The following PRKCA variants were observed in gnomAD, a reference collection of about 807,000 sequenced individuals.
PRKCA encodes the protein protein kinase C alpha.
PRKCA carries 27 observed loss-of-function variants against 87.0 expected under a neutral mutation model. The observed-to-expected ratio is 0.31, with a 90% CI of 0.23 to 0.43. The LOEUF (loss-of-function observed/expected upper bound fraction) is 0.43. Among genes scored for constraint, PRKCA ranks in the 20% least tolerant of loss-of-function variants. PRKCA has a pLI of 1.00. For missense variants in PRKCA, 518 were observed against 852.3 expected, an observed-to-expected ratio of 0.61 and a Z score of 4.88; for synonymous variants, 329 against 311.1, an observed-to-expected ratio of 1.06 and a Z score of -0.61.
At chr17:66,365,839 G>A (rs1007620522) in intron 2 of PRKCA, among the ~76,000 whole-genome samples, 5 of 152,118 alleles carry the variant, frequency 3.3e-5, no homozygotes, top group Admixed American at 6.5e-5. Flanking sequence ...ACCAATTAAC[G>A]TTATCTGAGC....
chr17:66,548,802 C>T (rs1040355987), intron 3 of PRKCA, among the ~76,000 whole-genome samples: 2 of 107,324 alleles, frequency 1.9e-5, no homozygotes, highest in East Asian at 2.5e-4. Context: ...GAATACGTTT[C>T]GGCAAGTTTT....
intron 8 of PRKCA, 26 bp from the exon 9 acceptor site, chr17:66,732,662 G>A: frequency 6.2e-7 from 1 of 1,613,770 alleles, no homozygotes; most frequent in South Asian, 1.1e-5. Context: ...TGACCCACGT[G>A]TTTCCCATTT....
chr17:66,749,897 G>A (rs958868889), intron 13 of PRKCA, among the ~76,000 whole-genome samples: 5 of 152,118 alleles, frequency 3.3e-5, no homozygotes, highest in South Asian at 2.1e-4. Context: ...TCATGTCATC[G>A]GCTGAAGAGA....
intron 16 of PRKCA, among the ~76,000 whole-genome samples, chr17:66,793,255 G>A (rs1975582435): frequency 6.6e-6 from 1 of 152,114 alleles, no homozygotes; most frequent in Admixed American, 6.5e-5. Flanking sequence ...AGGGCCATCA[G>A]TTCAGCCTGA....
intron 13 of PRKCA, among the ~76,000 whole-genome samples, chr17:66,746,385 C>T (rs183637966): frequency 4.6e-5 from 7 of 151,934 alleles, no homozygotes; most frequent in African/African-American, 1.4e-4. Flanking sequence ...TTTGGCCACA[C>T]GAATACTTAC....
intron 5 of PRKCA, among the ~76,000 whole-genome samples, chr17:66,651,815 C>G (rs1055410457): frequency 6.6e-6 from 1 of 152,110 alleles, no homozygotes; most frequent in Non-Finnish European, 1.5e-5. Context: ...CCTGGTTCAG[C>G]GTTCTCAGCA....
chr17:66,493,297 T>TTGTGTG (rs61513917), intron 2 of PRKCA, among the ~76,000 whole-genome samples: 38,498 of 142,896 alleles, frequency 0.27, 5,227 homozygotes, highest in Non-Finnish European at 0.34. Context: ...GTAGGTATAT[T>TTGTGTG]TGTGTGTGTG....
chr17:66,664,019 C>T (rs1971976222), intron 5 of PRKCA, among the ~76,000 whole-genome samples: 1 of 152,058 alleles, frequency 6.6e-6, no homozygotes, highest in African/African-American at 2.4e-5. Flanking sequence ...AGGCACATGC[C>T]ACCACGCCCT....
chr17:66,783,979 G>A (rs558562370), intron 14 of PRKCA, among the ~76,000 whole-genome samples: 1 of 152,358 alleles, frequency 6.6e-6, no homozygotes, highest in South Asian at 2.1e-4. Flanking sequence ...ATTTGGTTTG[G>A]TGCTCCGCTG....
chr17:66,790,630 A>C (rs1415571650), intron 16 of PRKCA, among the ~76,000 whole-genome samples: 1 of 152,230 alleles, frequency 6.6e-6, no homozygotes, highest in African/African-American at 2.4e-5. Context: ...TTATAGGAAC[A>C]ACGTAGAGAT....
intron 2 of PRKCA, among the ~76,000 whole-genome samples, chr17:66,459,149 G>A (rs11650754): frequency 0.36 from 54,868 of 150,876 alleles, 10,374 homozygotes; most frequent in Middle Eastern, 0.47. Flanking sequence ...GAGGTGGGTG[G>A]ATTGCTTCAG....
intron 2 of PRKCA, among the ~76,000 whole-genome samples, chr17:66,464,531 T>C (rs888849662): frequency 1.2e-4 from 18 of 152,212 alleles, no homozygotes; most frequent in Non-Finnish European, 2.5e-4. Flanking sequence ...CTTGTCAGCG[T>C]TTGGTGTTGT....
chr17:66,531,772 G>A (rs1967551297), intron 3 of PRKCA, among the ~76,000 whole-genome samples: 1 of 152,190 alleles, frequency 6.6e-6, no homozygotes, highest in African/African-American at 2.4e-5. Flanking sequence ...GGTGTCAAAT[G>A]GAACTGATGG....
intron 3 of PRKCA, among the ~76,000 whole-genome samples, chr17:66,511,308 A>T (rs993843022): frequency 2.0e-5 from 3 of 152,194 alleles, no homozygotes; most frequent in African/African-American, 7.2e-5. Context: ...ATTATGACTC[A>T]TTTGTTCTTA....
intron 10 of PRKCA, 89 bp downstream of exon 10, chr17:66,735,751 G>T: frequency 7.0e-7 from 1 of 1,426,446 alleles, no homozygotes; most frequent in Non-Finnish European, 9.5e-7. Context: ...TGTTCCTTTG[G>T]AGAAGGCTGG....
In PRKCA at chr17:66,687,273, TG is replaced by T; in HGVS notation, c.686+8del. On this transcript the variant is annotated splice_region_variant and intron_variant, in intron 6 of 16. Transcript: ENST00000413366. ...TGGAATGAGTCCTTTACATTGTAAG[TG>T]GTCTCTCCTTGATCAAATTTCATTC... 1 of 1,612,080 alleles carries T rather than the reference TG, an allele frequency of 6.2e-7. No individual in the cohort carries two copies. Among genetic ancestry groups the T allele is most frequent in the South Asian group, 1.1e-5 (1 of 90,906 alleles).
intron 6 of PRKCA, among the ~76,000 whole-genome samples, 180 bp from the exon 7 acceptor site, chr17:66,688,122 G>C (rs1211302322): frequency 6.6e-6 from 1 of 152,130 alleles, no homozygotes; most frequent in Admixed American, 6.5e-5. Flanking sequence ...TTGGCCCATG[G>C]GTCATAGTTT....
At chr17:66,380,841 C>T (rs955310990) in intron 2 of PRKCA, among the ~76,000 whole-genome samples, 7 of 151,918 alleles carry the variant, frequency 4.6e-5, no homozygotes, top group Non-Finnish European at 8.8e-5. Context: ...TGTGAATGCA[C>T]CCAAAATAAA....
At chr17:66,702,060 A>T (rs535024256) in intron 8 of PRKCA, among the ~76,000 whole-genome samples, 3 of 152,160 alleles carry the variant, frequency 2.0e-5, no homozygotes, top group Non-Finnish European at 2.9e-5. Flanking sequence ...ATATGGAAAC[A>T]GTGTGTTCAT....
Sources: gnomAD v4.1 joint callset for allele counts (sites outside exome capture counted in the v4.1 genomes callset) on GRCh38, gnomAD v4.1.1 for gene constraint, MANE v1.5 for transcripts, NCBI Gene and HGNC (gene_info 2026-07-23, HGNC 2026-07-21) for gene names.